Variants in ZBTB7B observed in about 807,000 individuals in gnomAD.
The protein encoded by ZBTB7B is zinc finger and BTB domain containing 7B, also known as zinc finger and BTB domain-containing protein 7B.
Under a neutral mutation model 31.0 loss-of-function variants are expected in ZBTB7B, and 8 were observed. The ratio of observed to expected loss-of-function variants is 0.26; its 90% confidence interval spans 0.15 to 0.47. The LOEUF (loss-of-function observed/expected upper bound fraction) is 0.47. ZBTB7B is among the 20% of genes least tolerant of loss of function. ZBTB7B has a pLI of 0.99. For synonymous variants in ZBTB7B, 261 were observed against 307.3 expected, an observed-to-expected ratio of 0.85 and a Z score of 1.58; for missense variants, 494 against 742.4, an observed-to-expected ratio of 0.67 and a Z score of 3.89.
rs1658408004 is a variant in ZBTB7B, at chr1:155,003,992, C to G, written c.-7+1049C>G. Among the ~76,000 whole-genome samples, 1 of 152,140 alleles carries G rather than the reference C, an allele frequency of 6.6e-6. No homozygotes were observed. The highest frequency in any genetic ancestry group is 2.1e-4 in the South Asian group (1 of 4,832). Reference sequence around the variant, plus strand: ...CTGGTGTTTAGAGAGAGGGCGGGTCCCCTGCCCCCCGCCCCGCACAACCCC... The same window carrying G: ...CTGGTGTTTAGAGAGAGGGCGGGTCGCCTGCCCCCCGCCCCGCACAACCCC... On this transcript the variant is annotated intron_variant, in intron 1 of 2. Transcript: ENST00000535420. The surrounding 1 kb of genome is among the most constrained non-coding windows in gnomAD (Gnocchi z 5.8).
At position 155,003,959 on chromosome 1, in the gene ZBTB7B, C is replaced by T. The variant is rs546457353; in HGVS notation, c.-7+1016C>T. 6.6e-6 allele frequency among the ~76,000 whole-genome samples: 1 copy of T among 152,150 alleles called. No individual in the cohort carries two copies. Among genetic ancestry groups the T allele is most frequent in the Non-Finnish European group, 1.5e-5 (1 of 67,994 alleles). ...CGGACACGTGCCTGCCCAGGCGCCC[C>T]GGCCCTGCTGGTGTTTAGAGAGAGG... is the stretch of plus-strand genomic sequence containing the variant. On this transcript the variant is annotated intron_variant, in intron 1 of 2. Transcript: ENST00000535420. The surrounding 1 kb of genome is among the most constrained non-coding windows in gnomAD (Gnocchi z 5.8).
intron 1 of ZBTB7B, chr1:155,010,351 C>G (rs1001219330): frequency 1.9e-5 from 3 of 153,976 alleles, no homozygotes; most frequent in African/African-American, 7.2e-5. Context: ...CCTCCTTCCC[C>G]CTTCGTGGCT....
intron 1 of ZBTB7B, among the ~76,000 whole-genome samples, chr1:155,007,213 G>C (rs1658610218): frequency 6.6e-6 from 1 of 152,202 alleles, no homozygotes; most frequent in Non-Finnish European, 1.5e-5. Flanking sequence ...CATGCTACCT[G>C]TCCTCACCTT....
intron 1 of ZBTB7B, among the ~76,000 whole-genome samples, chr1:155,006,852 C>T (rs1658590060): frequency 6.6e-6 from 1 of 152,330 alleles, no homozygotes; most frequent in Non-Finnish European, 1.5e-5. Flanking sequence ...CCACCATGGA[C>T]ATCCTAGCCT....
rs1297205919 is a variant in ZBTB7B, at chr1:155,016,972, G to T, written c.*287G>T. On this transcript the variant is annotated 3_prime_UTR_variant, in exon 3 of 3. Transcript: ENST00000535420. The surrounding 1 kb of genome is among the most constrained non-coding windows in gnomAD (Gnocchi z 4.3). ...TGTCCCCAGCTGCTCCTGGGGAGTAGAAGCAATAATGTATTTCTAATTTGT... is the reference window on the plus strand; with the variant it reads ...TGTCCCCAGCTGCTCCTGGGGAGTATAAGCAATAATGTATTTCTAATTTGT... 2 of 350,524 alleles carry T rather than the reference G, an allele frequency of 5.7e-6. No homozygotes were observed. The allele number at this position is 350,524 out of a possible 1,614,324, so 21.7% of individuals were successfully genotyped here.
chr1:155,016,106 T>A lies in ZBTB7B; in HGVS notation c.1155-114T>A, dbSNP rs1659385996. The A allele has an allele frequency of 8.6e-7, 1 of 1,164,536 alleles. No individual in the cohort carries two copies. The highest frequency in any genetic ancestry group is 1.5e-5 in the African/African-American group (1 of 64,818). 72.1% of individuals were successfully genotyped at this position (1,164,536 alleles called of 1,614,324 possible). A position where few individuals can be genotyped will look rare whatever the true frequency, so the allele number is the denominator to read the frequency against. ...AGCAGGGTATCTCCTGGGGCAATAG[T>A]GGGGTAACAAATGGTGAGGAACAGG... On this transcript the variant is annotated intron_variant, in intron 2 of 2. Transcript: ENST00000535420. This position sits in a 1 kb window ranked among gnomAD's most constrained non-coding sequence, Gnocchi z 4.3.
chr1:155,005,827 A>G (rs1239621674), intron 1 of ZBTB7B, among the ~76,000 whole-genome samples: 3 of 152,172 alleles, frequency 2.0e-5, no homozygotes, highest in African/African-American at 7.2e-5. Flanking sequence ...TTGCCCGGAC[A>G]GTTTGAAGTT....
rs2102269490 is a variant in ZBTB7B at position 155,004,333 on chromosome 1, T to G, written c.-7+1390T>G. Among the ~76,000 whole-genome samples the G allele has an allele frequency of 1.3e-5, 2 of 152,250 alleles. No homozygotes were observed. The highest frequency in any genetic ancestry group is 3.9e-4 in the East Asian group (2 of 5,180). ...CGCAGCTATTCCCCCTTCCCCCAAC[T>G]TATTCCTGGAGGAGGGAGACCGCTT... On this transcript the variant is annotated intron_variant, in intron 1 of 2. Coordinates refer to ENST00000535420, the MANE Select transcript of ZBTB7B (RefSeq NM_001256455.2). The surrounding 1 kb of genome is among the most constrained non-coding windows in gnomAD (Gnocchi z 4.0).
chr1:155,011,244 GGCCCCCA>G (rs1658952148), intron 1 of ZBTB7B, among the ~76,000 whole-genome samples: 1 of 152,248 alleles, frequency 6.6e-6, no homozygotes, highest in South Asian at 2.1e-4. Context: ...TGGCCTTCGT[GGCCCCCA>G]GCCCTGCACT....
chr1:155,011,106 C>T (rs568973869), intron 1 of ZBTB7B: 1 of 1,176,438 alleles, frequency 8.5e-7, no homozygotes, highest in African/African-American at 1.5e-5. Context: ...CTGGTTCCGC[C>T]TGCTGCCCCC....
intron 1 of ZBTB7B, among the ~76,000 whole-genome samples, chr1:155,007,617 G>C (rs1342387474): frequency 2.0e-5 from 3 of 152,218 alleles, no homozygotes; most frequent in Non-Finnish European, 4.4e-5. Context: ...TTTGAGAACA[G>C]GGTCTTAGGC....
At position 155,003,504 on chromosome 1, in the gene ZBTB7B, C is replaced by A. The variant is rs1450202057; in HGVS notation, c.-7+561C>A. 6.6e-6 allele frequency among the ~76,000 whole-genome samples: 1 copy of A among 152,178 alleles called. No homozygotes were observed. ...TCTTGCGCTTCCAGAGCCGCGCTCT[C>A]TCCAGCGGTAGTGGGGCTCAGCAAC... On this transcript the variant is annotated intron_variant, in intron 1 of 2. Coordinates refer to ENST00000535420, the MANE Select transcript of ZBTB7B (RefSeq NM_001256455.2). The surrounding 1 kb of genome is among the most constrained non-coding windows in gnomAD (Gnocchi z 5.8).
chr1:155,018,438 C>A lies in ZBTB7B; in HGVS notation c.*1753C>A. ...TCAGTGCCTTAGGGGGAGAGGCACTCCCCCCCTCCTATTCCCTTCCCCCCA... is the reference window on the plus strand; with the variant it reads ...TCAGTGCCTTAGGGGGAGAGGCACTACCCCCCTCCTATTCCCTTCCCCCCA... On this transcript the variant is annotated 3_prime_UTR_variant, in exon 3 of 3. Transcript: ENST00000535420. 1.7e-6 allele frequency: 2 copies of A among 1,146,356 alleles called. No individual in the cohort carries two copies. The highest frequency in any genetic ancestry group is 1.2e-6 in the Non-Finnish European group (1 of 811,980). The allele number at this position is 1,146,356 out of a possible 1,614,324, so 71.0% of individuals were successfully genotyped here.
Position 155,015,287 on chromosome 1 carries a change from G to A in ZBTB7B, c.627G>A (p.Leu209=). The A allele has an allele frequency of 1.2e-6, 2 of 1,613,190 alleles. No individual in the cohort carries two copies. The highest frequency in any genetic ancestry group is 1.1e-5 in the South Asian group (1 of 90,994). Residue 209 remains leucine (L), a synonymous_variant, in exon 2 of 3, where the codon CTG becomes CTA. Transcript: ENST00000535420. Reference sequence around the variant, plus strand: ...GCCGCAAGCCCCGGAAAGCTTTCCTGCAAACCAAGGGGGCCAGAGCAAACC... The same window carrying A: ...GCCGCAAGCCCCGGAAAGCTTTCCTACAAACCAAGGGGGCCAGAGCAAACC... ...RRSRKPRKAF[L]QTKGARANHL...
chr1:155,016,270 A>C lies in ZBTB7B; in HGVS notation c.1205A>C (p.Tyr402Ser). The part of the protein sequence containing the change: ...HMRKHTGERP[Y>S]SCPHCPARFL... ...CGGAAGCACACGGGAGAGCGCCCCTACTCATGCCCGCACTGCCCAGCCCGC... is the reference window on the plus strand; with the variant it reads ...CGGAAGCACACGGGAGAGCGCCCCTCCTCATGCCCGCACTGCCCAGCCCGC... Residue 402 changes from tyrosine to serine, a missense_variant, in exon 3 of 3, where the codon TAC (tyrosine) becomes TCC (serine). Tyr to Ser is a moderately radical substitution (Grantham distance 144). This residue lies in a region of ZBTB7B where 61 missense variants were observed against 170.0 expected (regional missense o/e 0.36). Transcript: ENST00000535420. This position sits in a 1 kb window ranked among gnomAD's most constrained non-coding sequence, Gnocchi z 4.3. 1 of 1,613,832 alleles carries C rather than the reference A, an allele frequency of 6.2e-7. No individual in the cohort carries two copies. The highest frequency in any genetic ancestry group is 8.5e-7 in the Non-Finnish European group (1 of 1,179,906).
intron 1 of ZBTB7B, among the ~76,000 whole-genome samples, chr1:155,011,733 C>T (rs1004505302): frequency 1.3e-5 from 2 of 152,184 alleles, no homozygotes; most frequent in African/African-American, 4.8e-5. Context: ...GGGGATGGGC[C>T]GCCTTCATGG....
At position 155,015,542 on chromosome 1, in the gene ZBTB7B, C is replaced by T. The variant is rs1163004083; in HGVS notation, c.882C>T (p.Gly294=). ...CAGCCTATGGGCTGGCGCAGGGTGG[C>T]GGGCCCCCGCTGTCCCCAGAGGAGC... The part of the protein sequence containing the change: ...YPPAYGLAQG[G]GPPLSPEELG... The change falls in exon 2 of 3, where the codon GGC becomes GGT. Residue 294 remains glycine (G), a synonymous_variant. Coordinates refer to ENST00000535420, the MANE Select transcript of ZBTB7B (RefSeq NM_001256455.2). The T allele has an allele frequency of 2.5e-6, 4 of 1,613,776 alleles. No homozygotes were observed. The highest frequency in any genetic ancestry group is 2.2e-5 in the East Asian group (1 of 44,866).
At position 155,015,328 on chromosome 1, in the gene ZBTB7B, T is replaced by C; in HGVS notation, c.668T>C (p.Val223Ala). 6.2e-7 allele frequency: 1 copy of C among 1,600,570 alleles called. No homozygotes were observed. Among genetic ancestry groups the C allele is most frequent in the Non-Finnish European group, 8.5e-7 (1 of 1,171,500 alleles). ...AGAGCAAACCACCTAGTCCCTGAGG[T>C]GCCCACAGTGCCCGCCCATCCCTTG... ...GARANHLVPE[V>A]PTVPAHPLTY... Residue 223 changes from valine (V) to alanine (A), a missense_variant, in exon 2 of 3, where the codon GTG becomes GCG. Coordinates refer to ENST00000535420, the MANE Select transcript of ZBTB7B (RefSeq NM_001256455.2).
rs368004595 is a variant in ZBTB7B at position 155,016,279 on chromosome 1, C to T, written c.1214C>T (p.Pro405Leu). 9.5e-5 allele frequency: 154 copies of T among 1,613,878 alleles called. No homozygotes were observed. The highest frequency in any genetic ancestry group is 1.6e-4 in the Middle Eastern group (1 of 6,082). ...ACGGGAGAGCGCCCCTACTCATGCCCGCACTGCCCAGCCCGCTTCCTGCAC... is the reference window on the plus strand; with the variant it reads ...ACGGGAGAGCGCCCCTACTCATGCCTGCACTGCCCAGCCCGCTTCCTGCAC... ...KHTGERPYSC[P>L]HCPARFLHSY... The change falls in exon 3 of 3, where the codon CCG becomes CTG. Residue 405 changes from proline (P) to leucine (L), a missense_variant. Coordinates refer to ENST00000535420, the MANE Select transcript of ZBTB7B (RefSeq NM_001256455.2). This position sits in a 1 kb window ranked among gnomAD's most constrained non-coding sequence, Gnocchi z 4.3.
Sources: gnomAD v4.1 joint callset for allele counts (sites outside exome capture counted in the v4.1 genomes callset) on GRCh38, gnomAD v4.1.1 for gene constraint, gnomAD v4.1.1 regional missense constraint, Gnocchi (gnomAD v3.1) non-coding constraint, MANE v1.5 for transcripts, NCBI Gene and HGNC (gene_info 2026-07-23, HGNC 2026-07-21) for gene names.